Variants in USP6NL observed in about 807,000 individuals in gnomAD.
USP6NL encodes USP6 N-terminal like.
Under a neutral mutation model 61.9 loss-of-function variants are expected in USP6NL, and 26 were observed. The ratio of observed to expected loss-of-function variants is 0.42; its 90% CI spans 0.31 to 0.58. The LOEUF (loss-of-function observed/expected upper bound fraction) is 0.58, where lower values mean the gene tolerates loss of function less well. Among genes scored for constraint, USP6NL ranks in the 20% least tolerant of loss-of-function variants. The pLI is 0.16. For synonymous variants in USP6NL, 432 were observed against 390.1 expected, an observed-to-expected ratio of 1.11 and a Z score of -1.27; for missense variants, 1,114 against 1,034.3, an observed-to-expected ratio of 1.08 and a Z score of -1.06.
intron 3 of USP6NL, among the ~76,000 whole-genome samples, chr10:11,527,014 T>C (rs1390117040): frequency 1.3e-5 from 2 of 152,168 alleles, no homozygotes; most frequent in African/African-American, 4.8e-5. Context: ...GAGTGCCTAG[T>C]GTGAATCAGG....
At chr10:11,558,816 CT>C (rs1365517524) in intron 2 of USP6NL, among the ~76,000 whole-genome samples, 7 of 151,942 alleles carry the variant, frequency 4.6e-5, no homozygotes, top group South Asian at 2.1e-4. Flanking sequence ...AATACAGGGA[CT>C]TTTTTTTCCT....
rs372637730 is a variant in USP6NL at position 11,604,459 on chromosome 10, G to A, written c.-83-6742C>T. Among the ~76,000 whole-genome samples the A allele has an allele frequency of 4.6e-5, 7 of 152,332 alleles. No individual in the cohort carries two copies. The East Asian group carries it at 1.3e-3, about 29-fold the overall frequency. On this transcript the variant is annotated intron_variant, in intron 1 of 14. Transcript: ENST00000609104. ...GAAAGTCAAAGAGACTACTGACAGT[G>A]AAGTAGTCAGAGGTAACCCTCAGTT...
At chr10:11,569,527 C>T (rs992783838) in intron 2 of USP6NL, among the ~76,000 whole-genome samples, 4 of 152,054 alleles carry the variant, frequency 2.6e-5, no homozygotes, top group Non-Finnish European at 2.9e-5. Context: ...AAGAAAGAAA[C>T]GATTCAATCT....
chr10:11,484,556 G>C (rs1833378084), intron 13 of USP6NL, among the ~76,000 whole-genome samples: 1 of 152,144 alleles, frequency 6.6e-6, no homozygotes, highest in Admixed American at 6.5e-5. Context: ...AACAGTAATA[G>C]AAAACGTTCT....
chr10:11,544,729 T>C (rs1836210442), intron 2 of USP6NL, among the ~76,000 whole-genome samples: 1 of 152,104 alleles, frequency 6.6e-6, no homozygotes, highest in African/African-American at 2.4e-5. Flanking sequence ...CCTCACGTGA[T>C]CCACCCGCCT....
chr10:11,601,661 A>T (rs1322622675), intron 1 of USP6NL, among the ~76,000 whole-genome samples: 1 of 152,252 alleles, frequency 6.6e-6, no homozygotes, highest in Admixed American at 6.5e-5. Flanking sequence ...TGCATTTACA[A>T]TCTTTAAGCC....
rs1301211943 is a variant in USP6NL, at chr10:11,491,924, T to C, written c.495-1044A>G. ...ACCACATGACCAGTCACAGAAGGGA[T>C]TGCTGCAATTATTATGAGTATTTCT... On this transcript the variant is annotated intron_variant, in intron 8 of 14. Coordinates refer to ENST00000609104, the MANE Select transcript of USP6NL (RefSeq NM_014688.5). The surrounding 1 kb of genome is among the most constrained non-coding windows in gnomAD (Gnocchi z 4.7). Among the ~76,000 whole-genome samples the C allele has an allele frequency of 6.6e-6, 1 of 152,236 alleles. No individual in the cohort carries two copies. The highest frequency in any genetic ancestry group is 1.9e-4 in the East Asian group (1 of 5,204).
chr10:11,592,011 C>T lies in USP6NL; in HGVS notation c.4+5620G>A, dbSNP rs970674710. Among the ~76,000 whole-genome samples, 3 of 151,936 alleles carry T rather than the reference C, an allele frequency of 2.0e-5. No homozygotes were observed. Among genetic ancestry groups the T allele is most frequent in the African/African-American group, 4.8e-5 (2 of 41,372 alleles). ...CAGCCTCCTGAGTAGCTGAAATTAC[C>T]GGCACCCACCACCATGCCCAGCTAA... On this transcript the variant is annotated intron_variant, in intron 2 of 14. Transcript: ENST00000609104. The surrounding 1 kb of genome is among the most constrained non-coding windows in gnomAD (Gnocchi z 4.7).
At chr10:11,500,356 AAC>A (rs895959615) in intron 7 of USP6NL, among the ~76,000 whole-genome samples, 3 of 152,198 alleles carry the variant, frequency 2.0e-5, no homozygotes, top group Non-Finnish European at 2.9e-5. Context: ...AGAAAAAAAA[AAC>A]AGCAATTTTT....
chr10:11,515,155 C>T (rs1034486320), intron 5 of USP6NL, among the ~76,000 whole-genome samples: 1 of 152,194 alleles, frequency 6.6e-6, no homozygotes, highest in Non-Finnish European at 1.5e-5. Flanking sequence ...CAACCCTGTA[C>T]AGGACCAGCT....
chr10:11,480,698 G>GT (rs1196021397), intron 14 of USP6NL, among the ~76,000 whole-genome samples: 1 of 152,200 alleles, frequency 6.6e-6, no homozygotes, highest in African/African-American at 2.4e-5. Context: ...AAGGAAAAAT[G>GT]TATTTTCCAT....
rs2133538715 is a variant in USP6NL at position 11,562,559 on chromosome 10, A to G, written c.5-34992T>C. 1.0e-6 allele frequency: 1 copy of G among 985,432 alleles called. No homozygotes were observed. The highest frequency in any genetic ancestry group is 1.2e-6 in the Non-Finnish European group (1 of 829,920). The allele number at this position is 985,432 out of a possible 1,614,324, so 61.0% of individuals were successfully genotyped here. ...CACTGTGACTACTCTGAGTCTAGCTAGCCTGGACTGTTTCAGCCACTCAGC... is the reference window on the plus strand; with the variant it reads ...CACTGTGACTACTCTGAGTCTAGCTGGCCTGGACTGTTTCAGCCACTCAGC... On this transcript the variant is annotated intron_variant, in intron 2 of 14. Coordinates refer to ENST00000609104, the MANE Select transcript of USP6NL (RefSeq NM_014688.5). The surrounding 1 kb of genome is among the most constrained non-coding windows in gnomAD (Gnocchi z 4.8).
chr10:11,555,429 A>ATATATATATAT (rs1181226855), intron 2 of USP6NL, among the ~76,000 whole-genome samples: 1 of 83,054 alleles, frequency 1.2e-5, no homozygotes, highest in Non-Finnish European at 2.2e-5. Flanking sequence ...AAAAAAAAAA[A>ATATATATATAT]AAAAATATAT....
At chr10:11,582,727 T>G (rs1377261199) in intron 2 of USP6NL, among the ~76,000 whole-genome samples, 2 of 152,262 alleles carry the variant, frequency 1.3e-5, no homozygotes, top group East Asian at 1.9e-4. Flanking sequence ...TTCATTTTGC[T>G]TATAAAGAGC....
chr10:11,507,779 G>A (rs1024013210), intron 6 of USP6NL, among the ~76,000 whole-genome samples: 3 of 151,952 alleles, frequency 2.0e-5, no homozygotes, highest in East Asian at 1.9e-4. Flanking sequence ...CATACTAAAC[G>A]CCTGGCACTA....
chr10:11,471,030 A>G (rs1832720673), intron 14 of USP6NL, among the ~76,000 whole-genome samples: 1 of 152,110 alleles, frequency 6.6e-6, no homozygotes, highest in South Asian at 2.1e-4. Flanking sequence ...CTAAAAACAC[A>G]AAAAATTAGC....
intron 2 of USP6NL, among the ~76,000 whole-genome samples, chr10:11,577,864 T>C (rs1837610677): frequency 6.6e-6 from 1 of 152,230 alleles, no homozygotes; most frequent in African/African-American, 2.4e-5. Context: ...AGCTACATTG[T>C]TAACATCTTC....
Position 11,490,806 on chromosome 10 carries a change from C to A in USP6NL, c.543+26G>T. 5 of 1,550,260 alleles carry A rather than the reference C, an allele frequency of 3.2e-6. No individual in the cohort carries two copies. The highest frequency in any genetic ancestry group is 2.6e-6 in the Non-Finnish European group (3 of 1,147,334). Reference sequence around the variant, plus strand: ...AGTACCTCAGAATACAACTCAAAGACCTTGGGCAGGCAGGCCCCAACTTAC... The same window carrying A: ...AGTACCTCAGAATACAACTCAAAGAACTTGGGCAGGCAGGCCCCAACTTAC... On this transcript the variant is annotated intron_variant, in intron 9 of 14. Transcript: ENST00000609104. This position sits in a 1 kb window ranked among gnomAD's most constrained non-coding sequence, Gnocchi z 4.5.
chr10:11,477,951 C>T (rs928445860), intron 14 of USP6NL, among the ~76,000 whole-genome samples: 1 of 152,058 alleles, frequency 6.6e-6, no homozygotes, highest in Non-Finnish European at 1.5e-5. Flanking sequence ...TTCTAAAAAA[C>T]AGATAGGATG....
Sources: allele counts gnomAD v4.1 joint callset (sites outside exome capture counted in the v4.1 genomes callset), GRCh38; gene constraint gnomAD v4.1.1; non-coding constraint Gnocchi (gnomAD v3.1); transcripts MANE v1.5; gene names NCBI Gene and HGNC (gene_info 2026-07-23, HGNC 2026-07-21).